The following MLXIPL variants were observed in gnomAD, a reference collection of about 807,000 sequenced individuals.
MLXIPL encodes the protein MLX interacting protein like.
MLXIPL carries 49 observed loss-of-function variants against 81.5 expected under a neutral mutation model. The observed-to-expected ratio is 0.60, with a 90% CI of 0.48 to 0.76. The LOEUF (loss-of-function observed/expected upper bound fraction) is 0.76, where lower values mean the gene tolerates loss of function less well. Among genes scored for constraint, MLXIPL ranks in the 30% least tolerant of loss-of-function variants. The probability of loss-of-function intolerance (pLI) is 0.00; values close to 1 mark genes in which losing one functional copy is unlikely to be tolerated. For missense variants in MLXIPL, 1,053 were observed against 1,167.0 expected (o/e 0.90, Z 1.42); for synonymous variants, 466 against 485.5 (o/e 0.96, Z 0.53).
chr7:73,622,442 T>C (rs947317273), intron 1 of MLXIPL, among the ~76,000 whole-genome samples: 15 of 150,766 alleles, frequency 9.9e-5, no homozygotes, highest in Non-Finnish European at 2.1e-4. Context: ...TGAGCTGAGA[T>C]GGCACCACTG....
At chr7:73,646,595 G>A in the MLXIPL span, among the ~76,000 whole-genome samples, 1 of 152,130 alleles carries the variant, frequency 6.6e-6, no homozygotes, top group African/African-American at 2.4e-5. Context: ...GGCAATTAGG[G>A]AGAAGTGAGA....
chr7:73,626,325 C>T (rs557880197), upstream of MLXIPL, among the ~76,000 whole-genome samples: 1 of 152,076 alleles, frequency 6.6e-6, no homozygotes, highest in East Asian at 1.9e-4. Context: ...TTTTTAGAGA[C>T]AGGGTCTCGC....
Position 73,624,404 on chromosome 7 carries a change from T to G in MLXIPL, c.89A>C (p.Glu30Ala). ...CGCGCTGCGCCGGAGACTCGGGTCC[T>G]CCGAGTCTGTGTCCGAGTCCGAGTC... is the stretch of plus-strand genomic sequence containing the variant. ...SPDSDSDTDS[E>A]DPSLRRSAGG... Residue 30 changes from glutamate (E) to alanine (A), a missense_variant, in exon 1 of 17, where the codon GAG (glutamate) becomes GCG (alanine). Glu to Ala is a moderately radical substitution (Grantham distance 107). Coordinates refer to ENST00000313375, the MANE Select transcript of MLXIPL (RefSeq NM_032951.3). The G allele has an allele frequency of 3.2e-6, 5 of 1,566,368 alleles. No homozygotes were observed. The highest frequency in any genetic ancestry group is 1.4e-5 in the African/African-American group (1 of 73,942).
At chr7:73,635,809 C>G in the MLXIPL span, among the ~76,000 whole-genome samples, 1 of 152,160 alleles carries the variant, frequency 6.6e-6, no homozygotes, top group Non-Finnish European at 1.5e-5. Context: ...TATACACCTA[C>G]CTAACTTTCT....
intron 15 of MLXIPL, 139 bp downstream of exon 15, chr7:73,595,498 G>A (rs1407902661): frequency 1.9e-6 from 3 of 1,583,994 alleles, no homozygotes; most frequent in Non-Finnish European, 1.7e-6. Context: ...GGAAGCAGGG[G>A]GCAGAGCCAG....
rs1217726905 is a variant in MLXIPL, at chr7:73,607,543, T to TGGGTGGGCAGGTGGGC, written c.483+31_483+46dup. The TGGGTGGGCAGGTGGGC allele has an allele frequency of 3.8e-6, 6 of 1,596,822 alleles. No homozygotes were observed. The South Asian group carries it at 5.5e-5, about 15-fold the overall frequency. ...TACAGGAGGCAGGGGCTGGTCTTGGTGGGTGGGCAGGTGGGCAGGTGGGCA... is the reference window on the plus strand; with the variant it reads ...TACAGGAGGCAGGGGCTGGTCTTGGTGGGTGGGCAGGTGGGCGGGTGGGCAGGTGGGCAGGTGGGCA... On this transcript the variant is annotated intron_variant, in intron 3 of 16. Transcript: ENST00000313375.
At chr7:73,595,488 G>A (rs1156348991) in intron 15 of MLXIPL, 149 bp downstream of exon 15, 1 of 1,568,102 alleles carries the variant, frequency 6.4e-7, no homozygotes, top group African/African-American at 1.4e-5. Flanking sequence ...GCCAGGGCAT[G>A]GAAGCAGGGG....
Position 73,596,171 on chromosome 7 carries a change from A to T in MLXIPL, c.2040T>A (p.Ser680Arg). The T allele has an allele frequency of 6.2e-7, 1 of 1,613,010 alleles. No individual in the cohort carries two copies. The highest frequency in any genetic ancestry group is 8.5e-7 in the Non-Finnish European group (1 of 1,179,910). ...GGCTCACCTTGAGGCTGGGCTGGGC[A>T]CTGAGTGTGCTCACGAGCCCATGAA... ...DTLHGLVSTLSAQPSLKVSKA... is the reference protein window; with the variant it reads ...DTLHGLVSTLRAQPSLKVSKA... Residue 680 changes from serine to arginine, a missense_variant, in exon 13 of 17, where the codon AGT becomes AGA. By Grantham distance (110) the Ser-to-Arg change is moderately radical. Coordinates refer to ENST00000313375, the MANE Select transcript of MLXIPL (RefSeq NM_032951.3). This position sits in a 1 kb window ranked among gnomAD's most constrained non-coding sequence, Gnocchi z 4.7.
At chr7:73,632,458 T>C in the MLXIPL span, among the ~76,000 whole-genome samples, 1 of 152,326 alleles carries the variant, frequency 6.6e-6, no homozygotes, top group African/African-American at 2.4e-5. Flanking sequence ...TATACATATA[T>C]GAAATCAGCC....
chr7:73,631,212 G>GCCA, the MLXIPL span, among the ~76,000 whole-genome samples: 1 of 151,918 alleles, frequency 6.6e-6, no homozygotes, highest in Non-Finnish European at 1.5e-5. Flanking sequence ...GGGTTTCACT[G>GCCA]TGTTAGCCAG....
chr7:73,595,767 G>A lies in MLXIPL; in HGVS notation c.2187-7C>T, dbSNP rs782189939. On this transcript the variant is annotated splice_region_variant and splice_polypyrimidine_tract_variant and intron_variant, in intron 14 of 16. Coordinates refer to ENST00000313375, the MANE Select transcript of MLXIPL (RefSeq NM_032951.3). ...CAGCTGCTGCTGGCACAGGCTGGGG[G>A]CAGGGCAGGGGTCAGGGGCTGGGGG... 2 of 1,587,228 alleles carry A rather than the reference G, an allele frequency of 1.3e-6. No homozygotes were observed. Among genetic ancestry groups the A allele is most frequent in the South Asian group, 2.3e-5 (2 of 88,656 alleles).
At chr7:73,632,456 T>C in the MLXIPL span, among the ~76,000 whole-genome samples, 1 of 152,324 alleles carries the variant, frequency 6.6e-6, no homozygotes, top group Non-Finnish European at 1.5e-5. Context: ...CATATACATA[T>C]ATGAAATCAG....
Position 73,593,784 on chromosome 7 carries a change from G to A in MLXIPL, c.*81C>T. The stretch of plus-strand genomic sequence containing the variant: ...CCAGGGCCTGGGGCAGGAAGGGAGT[G>A]CCCAGAGATGATCCCTGGAGCCCGT... On this transcript the variant is annotated 3_prime_UTR_variant, in exon 17 of 17. Coordinates refer to ENST00000313375, the MANE Select transcript of MLXIPL (RefSeq NM_032951.3). The A allele has an allele frequency of 8.2e-7, 1 of 1,224,770 alleles. No individual in the cohort carries two copies. The highest frequency in any genetic ancestry group is 1.2e-6 in the Non-Finnish European group (1 of 827,330). The allele number at this position is 1,224,770 out of a possible 1,614,324, so 75.9% of individuals were successfully genotyped here.
chr7:73,637,101 T>C, the MLXIPL span, among the ~76,000 whole-genome samples: 1 of 150,968 alleles, frequency 6.6e-6, no homozygotes, highest in Admixed American at 6.6e-5. Context: ...ATAATTTACA[T>C]ATTTCCTTCA....
chr7:73,603,406 C>A (rs1305474798), intron 7 of MLXIPL, among the ~76,000 whole-genome samples: 1 of 152,224 alleles, frequency 6.6e-6, no homozygotes, highest in African/African-American at 2.4e-5. Context: ...TGTGGCCGGG[C>A]GCTGTGTGCC....
At chr7:73,624,609 C>CG, upstream of MLXIPL, 1 of 1,383,962 alleles carries the variant, frequency 7.2e-7, no homozygotes, top group South Asian at 1.7e-5. Flanking sequence ...ATCGGGTGGG[C>CG]GGGGCCTGGG....
At position 73,624,306 on chromosome 7, in the gene MLXIPL, G is replaced by GT; in HGVS notation, c.186_187insA (p.Pro63ThrfsTer91). On this transcript the variant is annotated frameshift_variant, in exon 1 of 17. Transcript: ENST00000313375. LOFTEE classifies it high-confidence loss of function. ...GACCCCTCCTGGTCGCGCCGCCGGG[G>GT]CAGCGAGTCGCTGTGCGGCGACGAC... 6.3e-7 allele frequency: 1 copy of GT among 1,586,836 alleles called. No individual in the cohort carries two copies. Among genetic ancestry groups the GT allele is most frequent in the Non-Finnish European group, 8.6e-7 (1 of 1,168,614 alleles).
chr7:73,621,483 C>T lies in MLXIPL; in HGVS notation c.293+2717G>A, dbSNP rs1796342436. 1.3e-5 allele frequency among the ~76,000 whole-genome samples: 2 copies of T among 152,020 alleles called. 1 individual carries two copies. Among genetic ancestry groups the T allele is most frequent in the Non-Finnish European group, 2.9e-5 (2 of 67,958 alleles). On this transcript the variant is annotated intron_variant, in intron 1 of 16. Coordinates refer to ENST00000313375, the MANE Select transcript of MLXIPL (RefSeq NM_032951.3). Reference sequence around the variant, plus strand: ...TCCCACCACCTTCTGAACTCTCTGCCTTACTGTCTCTTCCCATATAGTCAC... The same window carrying T: ...TCCCACCACCTTCTGAACTCTCTGCTTTACTGTCTCTTCCCATATAGTCAC...
intron 8 of MLXIPL, among the ~76,000 whole-genome samples, chr7:73,598,065 T>C (rs1794497400): frequency 6.6e-6 from 1 of 151,698 alleles, no homozygotes; most frequent in Non-Finnish European, 1.5e-5. Context: ...CCATTCATCA[T>C]CCATCCATCC....
Sources: gnomAD v4.1 joint callset for allele counts (sites outside exome capture counted in the v4.1 genomes callset) on GRCh38, gnomAD v4.1.1 for gene constraint, Gnocchi (gnomAD v3.1) non-coding constraint, MANE v1.5 for transcripts, NCBI Gene and HGNC (gene_info 2026-07-23, HGNC 2026-07-21) for gene names.